The following DNAH11 variants were observed in gnomAD, a reference collection of about 807,000 sequenced individuals.
DNAH11 encodes the protein axonemal beta dynein heavy chain 11.
A neutral mutation model predicts 526.0 loss-of-function variants in DNAH11; 442 were observed. The ratio of observed to expected loss-of-function variants is 0.84; its 90% CI spans 0.78 to 0.91. The LOEUF (loss-of-function observed/expected upper bound fraction) is 0.91. DNAH11 is among the 40% of genes least tolerant of loss of function. DNAH11 has a pLI of 0.00. For synonymous variants in DNAH11, 2,461 were observed against 1,935.9 expected (o/e 1.27, Z -7.12); for missense variants, 6,989 against 5,448.7 (o/e 1.28, Z -8.90).
intron 45 of DNAH11, among the ~76,000 whole-genome samples, chr7:21,735,340 A>C (rs1230037495): frequency 1.3e-5 from 2 of 152,130 alleles, no homozygotes; most frequent in Non-Finnish European, 2.9e-5. Context: ...GGTATTTTGG[A>C]ATTAGGAGCC....
At chr7:21,895,500 G>C (rs1207696942) in intron 79 of DNAH11, among the ~76,000 whole-genome samples, 1 of 152,016 alleles carries the variant, frequency 6.6e-6, no homozygotes, top group Non-Finnish European at 1.5e-5. Flanking sequence ...ACAAAGCTAG[G>C]GCAGAAATTC....
At chr7:21,805,052 C>T (rs893505427) in intron 62 of DNAH11, among the ~76,000 whole-genome samples, 3 of 152,166 alleles carry the variant, frequency 2.0e-5, no homozygotes, top group South Asian at 2.1e-4. Context: ...CAGGCAGTCA[C>T]ATCACTGGCT....
intron 69 of DNAH11, 127 bp downstream of exon 69, chr7:21,862,150 G>A (rs1783089181): frequency 2.1e-6 from 2 of 947,866 alleles, no homozygotes; most frequent in Non-Finnish European, 3.0e-6. Flanking sequence ...AGCCCTTGGT[G>A]GCATGAGGGG....
At chr7:21,763,860 C>T (rs561932867) in intron 54 of DNAH11, among the ~76,000 whole-genome samples, 5 of 150,372 alleles carry the variant, frequency 3.3e-5, no homozygotes, top group Admixed American at 2.7e-4. Context: ...ATATTTTCAT[C>T]TATAAAACAA....
intron 58 of DNAH11, among the ~76,000 whole-genome samples, chr7:21,786,384 A>G (rs1788192863): frequency 6.6e-6 from 1 of 151,772 alleles, no homozygotes; most frequent in Non-Finnish European, 1.5e-5. Context: ...TATATAGATC[A>G]TTTTTCTTGA....
At chr7:21,750,178 A>G in intron 53 of DNAH11, 44 bp from the exon 54 acceptor site, 1 of 1,524,658 alleles carries the variant, frequency 6.6e-7, no homozygotes, top group Non-Finnish European at 8.8e-7. Flanking sequence ...GTAAAATTTA[A>G]ATTGCAATGA....
intron 66 of DNAH11, among the ~76,000 whole-genome samples, chr7:21,845,659 A>G (rs1782390117): frequency 6.6e-6 from 1 of 152,130 alleles, no homozygotes; most frequent in Non-Finnish European, 1.5e-5. Context: ...AAGTAGTGTC[A>G]ATTCTCTGAC....
chr7:21,674,028 TTGTGTG>T (rs59263134), intron 30 of DNAH11, among the ~76,000 whole-genome samples: 17,867 of 137,094 alleles, frequency 0.13, 1,313 homozygotes, highest in African/African-American at 0.21. Context: ...CTGTTTTGTT[TTGTGTG>T]TGTGTGTGTG....
intron 30 of DNAH11, among the ~76,000 whole-genome samples, chr7:21,672,538 T>G (rs962454585): frequency 7.9e-5 from 12 of 152,178 alleles, no homozygotes; most frequent in African/African-American, 2.4e-4. Context: ...TCTCGCTCCT[T>G]GGCCTCCAGA....
Position 21,545,150 on chromosome 7 carries a change from G to A in DNAH11, c.495+1G>A. 3.1e-6 allele frequency: 5 copies of A among 1,606,350 alleles called. No individual in the cohort carries two copies. The highest frequency in any genetic ancestry group is 4.3e-6 in the Non-Finnish European group (5 of 1,176,232). On this transcript the variant is annotated splice_donor_variant, in intron 2 of 81. Transcript: ENST00000409508. LOFTEE classifies it high-confidence loss of function. ...ACATGTATCTGCTTTCCTTGATGAGGTACTGGTCTGTCTTTAATATTTAAA... is the reference window on the plus strand; with the variant it reads ...ACATGTATCTGCTTTCCTTGATGAGATACTGGTCTGTCTTTAATATTTAAA...
Position 21,867,890 on chromosome 7 carries a change from T to C in DNAH11, c.11722T>C (p.Tyr3908His). Residue 3908 changes from tyrosine (Y) to histidine (H), a missense_variant, in exon 72 of 82, where the codon TAT (tyrosine) becomes CAT (histidine). Transcript: ENST00000409508. ...NFVEEKLGAK[Y>H]VERTRLDLVK... ...TGTAGAGGAAAAACTGGGTGCGAAG[T>C]ATGTGGAGAGGACCAGATTGGACTT... 6.3e-7 allele frequency: 1 copy of C among 1,579,496 alleles called. No individual in the cohort carries two copies. Among genetic ancestry groups the C allele is most frequent in the Non-Finnish European group, 8.6e-7 (1 of 1,161,354 alleles).
intron 62 of DNAH11, among the ~76,000 whole-genome samples, chr7:21,804,933 T>A (rs1391625959): frequency 6.6e-6 from 1 of 152,200 alleles, no homozygotes; most frequent in East Asian, 1.9e-4. Flanking sequence ...GTCTCCTGGA[T>A]ACCCCTCTGT....
chr7:21,855,499 T>C lies in DNAH11; in HGVS notation c.11202+1044T>C, dbSNP rs1456777679. On this transcript the variant is annotated intron_variant, in intron 68 of 81. Coordinates refer to ENST00000409508, the MANE Select transcript of DNAH11 (RefSeq NM_001277115.2). Reference sequence around the variant, plus strand: ...GGCATTTTTATACTTTGGCTCATTCTTTATCCCTATTACATCTCAATAAAG... The same window carrying C: ...GGCATTTTTATACTTTGGCTCATTCCTTATCCCTATTACATCTCAATAAAG... Among the ~76,000 whole-genome samples the C allele has an allele frequency of 3.3e-5, 5 of 152,376 alleles. No homozygotes were observed. The East Asian group carries it at 9.6e-4, about 29-fold the overall frequency.
At chr7:21,690,500 T>C (rs1783570372) in intron 34 of DNAH11, among the ~76,000 whole-genome samples, 1 of 152,214 alleles carries the variant, frequency 6.6e-6, no homozygotes. Context: ...CAAGTCTTTA[T>C]TTTTATATTC....
chr7:21,733,576 A>T (rs1280186571), intron 45 of DNAH11, among the ~76,000 whole-genome samples: 1 of 152,264 alleles, frequency 6.6e-6, no homozygotes, highest in African/African-American at 2.4e-5. Flanking sequence ...GAAAACTGGT[A>T]TCACAAGATT....
intron 2 of DNAH11, among the ~76,000 whole-genome samples, chr7:21,550,720 C>T (rs1250098284): frequency 6.6e-6 from 1 of 152,136 alleles, no homozygotes. Context: ...CTCCCATTGT[C>T]AGGATTAATA....
chr7:21,736,163 C>G (rs954974369), intron 46 of DNAH11, among the ~76,000 whole-genome samples: 1 of 152,116 alleles, frequency 6.6e-6, no homozygotes, highest in South Asian at 2.1e-4. Flanking sequence ...TAAGGGTATA[C>G]TCAAGGAGGG....
At chr7:21,803,185 T>C (rs1020334143) in intron 62 of DNAH11, among the ~76,000 whole-genome samples, 1 of 152,180 alleles carries the variant, frequency 6.6e-6, no homozygotes, top group African/African-American at 2.4e-5. Context: ...CACTAAAATA[T>C]GTAACTGCAC....
intron 69 of DNAH11, 89 bp from the exon 70 acceptor site, chr7:21,864,446 C>G: frequency 7.4e-7 from 1 of 1,342,338 alleles, no homozygotes; most frequent in Non-Finnish European, 1.0e-6. Flanking sequence ...TCTGCCTACT[C>G]AGTCATGTCT....
Sources: gnomAD v4.1 joint callset for allele counts (sites outside exome capture counted in the v4.1 genomes callset) on GRCh38, gnomAD v4.1.1 for gene constraint, MANE v1.5 for transcripts, NCBI Gene and HGNC (gene_info 2026-07-23, HGNC 2026-07-21) for gene names.